Variants in PRTG observed in about 807,000 individuals in gnomAD.
PRTG encodes the protein immunoglobulin superfamily, DCC subclass, member 5.
In PRTG, 67 loss-of-function variants were observed where a neutral mutation model predicts 122.5. That is an observed-to-expected ratio of 0.55 (90% CI 0.45 to 0.67). The LOEUF (loss-of-function observed/expected upper bound fraction) is 0.67. PRTG is among the 30% of genes least tolerant of loss of function. PRTG has a pLI of 0.00. For synonymous variants in PRTG, 554 were observed against 501.1 expected, an observed-to-expected ratio of 1.11 and a Z score of -1.41; for missense variants, 1,435 against 1,415.4, an observed-to-expected ratio of 1.01 and a Z score of -0.22.
At chr15:55,725,439 C>CG (rs1567116261) in intron 2 of PRTG, among the ~76,000 whole-genome samples, 1 of 151,774 alleles carries the variant, frequency 6.6e-6, no homozygotes, top group African/African-American at 2.4e-5. Context: ...ATAAAAAATA[C>CG]GAAAAAATCA....
intron 15 of PRTG, among the ~76,000 whole-genome samples, chr15:55,629,824 T>A (rs569171953): frequency 3.6e-4 from 55 of 151,152 alleles, no homozygotes; most frequent in African/African-American, 1.3e-3. Flanking sequence ...GTCTAATTTT[T>A]TTTTTTTTTT....
intron 19 of PRTG, 53 bp from the exon 20 acceptor site, chr15:55,620,319 G>C (rs372431509): frequency 1.3e-6 from 2 of 1,587,424 alleles, no homozygotes; most frequent in Non-Finnish European, 1.7e-6. Context: ...TCGAATCCAC[G>C]AGCAAAAGCT....
In PRTG at chr15:55,695,405, C is replaced by T. The variant is rs191503751; in HGVS notation, c.398-11474G>A. Among the ~76,000 whole-genome samples the T allele has an allele frequency of 9.2e-5, 14 of 152,284 alleles. No individual in the cohort carries two copies. The East Asian group carries it at 2.1e-3, about 23-fold the overall frequency. ...ATTTCCTAATGTAAGAAAAACATCACATTCTTTTTAAAACTGCAGAGAAAA... is the reference window on the plus strand; with the variant it reads ...ATTTCCTAATGTAAGAAAAACATCATATTCTTTTTAAAACTGCAGAGAAAA... On this transcript the variant is annotated intron_variant, in intron 2 of 19. Transcript: ENST00000389286.
At chr15:55,642,287 T>C (rs1352599619) in intron 11 of PRTG, among the ~76,000 whole-genome samples, 1 of 151,590 alleles carries the variant, frequency 6.6e-6, no homozygotes, top group Non-Finnish European at 1.5e-5. Context: ...CTGTTTATGA[T>C]GACATTTAAA....
intron 11 of PRTG, among the ~76,000 whole-genome samples, chr15:55,658,176 T>A (rs902046165): frequency 6.6e-6 from 1 of 152,222 alleles, no homozygotes; most frequent in African/African-American, 2.4e-5. Context: ...ATATTCAAAT[T>A]GTATGAATGT....
intron 2 of PRTG, among the ~76,000 whole-genome samples, chr15:55,715,487 C>T (rs1205156509): frequency 2.6e-5 from 4 of 152,142 alleles, no homozygotes; most frequent in Non-Finnish European, 5.9e-5. Flanking sequence ...GACGTGGGGC[C>T]TTGAGAGTAT....
intron 12 of PRTG, 92 bp from the exon 13 acceptor site, chr15:55,639,920 A>T: frequency 6.6e-7 from 1 of 1,512,006 alleles, no homozygotes; most frequent in Non-Finnish European, 8.9e-7. Flanking sequence ...CCCACCCTAT[A>T]AGTTGATTTT....
chr15:55,707,066 T>G (rs1173955121), intron 2 of PRTG, among the ~76,000 whole-genome samples: 4 of 152,224 alleles, frequency 2.6e-5, no homozygotes, highest in African/African-American at 9.6e-5. Context: ...TGGGTAGTAT[T>G]CCGAAGGCAG....
At chr15:55,714,756 A>G (rs1330190998) in intron 2 of PRTG, among the ~76,000 whole-genome samples, 1 of 152,200 alleles carries the variant, frequency 6.6e-6, no homozygotes, top group Non-Finnish European at 1.5e-5. Context: ...TTTTCTACCT[A>G]AAAATGCTAT....
chr15:55,654,299 G>A (rs2059368802), intron 11 of PRTG, among the ~76,000 whole-genome samples: 1 of 152,138 alleles, frequency 6.6e-6, no homozygotes, highest in Non-Finnish European at 1.5e-5. Context: ...AAGGACAGTG[G>A]CTTAACTGTC....
intron 16 of PRTG, among the ~76,000 whole-genome samples, 198 bp from the exon 17 acceptor site, chr15:55,627,326 G>GT (rs35771809): frequency 0.091 from 12,025 of 131,452 alleles, 1,007 homozygotes; most frequent in East Asian, 0.38. Flanking sequence ...CAATATTAAA[G>GT]TTTTTTTTTT....
chr15:55,672,657 TA>T (rs754883016), intron 10 of PRTG, 24 bp from the exon 11 acceptor site: 38 of 1,580,394 alleles, frequency 2.4e-5, no homozygotes, highest in Non-Finnish European at 3.2e-5. Flanking sequence ...TCAGAAAATG[TA>T]TGTATAAACA....
At position 55,672,511 on chromosome 15, in the gene PRTG, C is replaced by G. The variant is rs762986174; in HGVS notation, c.1975G>C (p.Gly659Arg). Residue 659 changes from glycine to arginine, a missense_variant, in exon 11 of 20, where the codon GGG becomes CGG. Transcript: ENST00000389286. ...AAAATGGGCCCATTCTCCTGCTGCC[C>G]TTCTTCCTTGTAGTACAGCTTGTAG... is the stretch of plus-strand genomic sequence containing the variant. ...QGYKLYYKEE[G>R]QQENGPIFLD... 1.9e-6 allele frequency: 3 copies of G among 1,614,124 alleles called. No individual in the cohort carries two copies. The South Asian group carries it at 3.3e-5, about 18-fold the overall frequency.
At chr15:55,690,182 T>C (rs980170082) in intron 2 of PRTG, among the ~76,000 whole-genome samples, 2 of 152,230 alleles carry the variant, frequency 1.3e-5, no homozygotes, top group Non-Finnish European at 2.9e-5. Flanking sequence ...CTCTGAGTCA[T>C]AAAATTCTTG....
chr15:55,658,057 T>A (rs2059389885), intron 11 of PRTG, among the ~76,000 whole-genome samples: 1 of 152,196 alleles, frequency 6.6e-6, no homozygotes, highest in Admixed American at 6.5e-5. Context: ...CTTTTAAAAT[T>A]TAATACACTG....
At chr15:55,705,243 A>C (rs1259449614) in intron 2 of PRTG, among the ~76,000 whole-genome samples, 2 of 152,194 alleles carry the variant, frequency 1.3e-5, no homozygotes, top group African/African-American at 2.4e-5. Flanking sequence ...TACTAATGCT[A>C]ATCTAGGCCT....
chr15:55,657,056 T>A (rs1408410744), intron 11 of PRTG, among the ~76,000 whole-genome samples: 3 of 152,236 alleles, frequency 2.0e-5, no homozygotes. Flanking sequence ...TTGTAAAATG[T>A]ACACAGCACT....
rs1323597755 is a variant in PRTG at position 55,615,123 on chromosome 15, A to T, written c.*4889T>A. The T allele has an allele frequency of 6.6e-6, 1 of 152,110 alleles. No homozygotes were observed. The highest frequency in any genetic ancestry group is 1.9e-4 in the East Asian group (1 of 5,188). 9.4% of individuals were successfully genotyped at this position (152,110 alleles called of 1,614,324 possible). A position where few individuals can be genotyped will look rare whatever the true frequency, so the allele number is the denominator to read the frequency against. On this transcript the variant is annotated 3_prime_UTR_variant, in exon 20 of 20. Transcript: ENST00000389286. The stretch of plus-strand genomic sequence containing the variant: ...GGAAGGAGCTTCAGAGAGATGCTAC[A>T]TGGCTGGCTTTGAAGATGGAAGGAG...
chr15:55,620,147 A>G lies in PRTG; in HGVS notation c.3318T>C (p.Gly1106=). 3 of 1,614,192 alleles carry G rather than the reference A, an allele frequency of 1.9e-6. No individual in the cohort carries two copies. Among genetic ancestry groups the G allele is most frequent in the Non-Finnish European group, 2.5e-6 (3 of 1,180,040 alleles). ...GQTTSFSRPF[G]VAADTEHSAN... is the part of the protein sequence containing the mutation. ...CTGAATGTTCTGTATCAGCTGCAAC[A>G]CCAAAGGGTCTTGAGAAGCTGGTTG... is the stretch of plus-strand genomic sequence containing the variant. The change falls in exon 20 of 20, where the codon GGT becomes GGC. Residue 1106 remains glycine, a synonymous_variant. Coordinates refer to ENST00000389286, the MANE Select transcript of PRTG (RefSeq NM_173814.6).
Sources: allele counts gnomAD v4.1 joint callset (sites outside exome capture counted in the v4.1 genomes callset), GRCh38; gene constraint gnomAD v4.1.1; transcripts MANE v1.5; gene names NCBI Gene and HGNC (gene_info 2026-07-23, HGNC 2026-07-21).